TUSC7: variants seen among roughly 807,000 people sequenced by gnomAD.
The protein encoded by TUSC7 is tumor suppressor candidate 7.
At chr3:116,714,755 A>C (rs1211451058) in intron 1 of TUSC7, among the ~76,000 whole-genome samples, 1 of 152,178 alleles carries the variant, frequency 6.6e-6, no homozygotes, top group Non-Finnish European at 1.5e-5. Context: ...CCCTCCCTCC[A>C]CAAGGGCATA....
chr3:116,712,375 T>G (rs1324809715), intron 1 of TUSC7: 1 of 152,218 alleles, frequency 6.6e-6, no homozygotes, highest in Non-Finnish European at 1.5e-5. Flanking sequence ...ATATTCAGTG[T>G]GTCCTCTGAA....
intron 1 of TUSC7, chr3:116,716,391 A>T (rs2051508016): frequency 6.6e-6 from 1 of 152,130 alleles, no homozygotes; most frequent in Non-Finnish European, 1.5e-5. Context: ...TGGAGGAGGG[A>T]CTATCTAGAC....
chr3:116,713,738 G>T (rs2051481748), intron 1 of TUSC7, among the ~76,000 whole-genome samples: 1 of 152,130 alleles, frequency 6.6e-6, no homozygotes, highest in East Asian at 1.9e-4. Flanking sequence ...GGCCGAGGTG[G>T]TCTCATCACC....
chr3:116,711,275 C>T (rs2051461641), intron 1 of TUSC7, among the ~76,000 whole-genome samples: 1 of 152,118 alleles, frequency 6.6e-6, no homozygotes, highest in South Asian at 2.1e-4. Flanking sequence ...AACATACATG[C>T]ATTGTAGTAA....
At chr3:116,710,311 T>A (rs576646118) in intron 1 of TUSC7, 5 of 152,246 alleles carry the variant, frequency 3.3e-5, no homozygotes, top group African/African-American at 1.2e-4. Context: ...ATAACTTCCC[T>A]GGTGTACCAG....
chr3:116,712,762 G>A (rs2051473188), intron 1 of TUSC7: 1 of 151,744 alleles, frequency 6.6e-6, no homozygotes, highest in African/African-American at 2.4e-5. Flanking sequence ...CTCATCAATT[G>A]TAAATTTTGA....
intron 1 of TUSC7, among the ~76,000 whole-genome samples, chr3:116,713,680 A>T (rs2051481081): frequency 6.6e-6 from 1 of 152,166 alleles, no homozygotes; most frequent in Admixed American, 6.5e-5. Context: ...AAGAAGCTAG[A>T]CTAGGCCAGA....
At chr3:116,712,022 G>T (rs2051467075) in intron 1 of TUSC7, among the ~76,000 whole-genome samples, 1 of 152,142 alleles carries the variant, frequency 6.6e-6, no homozygotes, top group African/African-American at 2.4e-5. Context: ...CATGGTACAA[G>T]AAATATGTTA....
At chr3:116,714,583 G>A (rs768871985) in intron 1 of TUSC7, among the ~76,000 whole-genome samples, 31 of 152,224 alleles carry the variant, frequency 2.0e-4, no homozygotes, top group South Asian at 8.3e-4. Flanking sequence ...CTGATCCATG[G>A]ACTACATTTC....
At chr3:116,711,532 C>T (rs1354364609) in intron 1 of TUSC7, among the ~76,000 whole-genome samples, 1 of 152,114 alleles carries the variant, frequency 6.6e-6, no homozygotes, top group East Asian at 1.9e-4. Flanking sequence ...CTTTCTCATT[C>T]TATGATGTAG....
At chr3:116,711,955 C>T (rs1576301277) in intron 1 of TUSC7, among the ~76,000 whole-genome samples, 1 of 152,258 alleles carries the variant, frequency 6.6e-6, no homozygotes, top group Middle Eastern at 3.4e-3. Context: ...TATAAATTTA[C>T]AGAATTTATC....
At chr3:116,711,774 C>A (rs532095860) in intron 1 of TUSC7, among the ~76,000 whole-genome samples, 7 of 152,280 alleles carry the variant, frequency 4.6e-5, no homozygotes, top group Non-Finnish European at 8.8e-5. Context: ...CATGAAATAT[C>A]TATATTCAGC....
chr3:116,713,564 CTG>C (rs1215305009), intron 1 of TUSC7, among the ~76,000 whole-genome samples: 4 of 152,192 alleles, frequency 2.6e-5, no homozygotes, highest in Non-Finnish European at 4.4e-5. Flanking sequence ...GGTACGAACA[CTG>C]TTGTTTCTAA....
intron 1 of TUSC7, among the ~76,000 whole-genome samples, chr3:116,710,583 A>G (rs1287956541): frequency 3.3e-5 from 5 of 152,134 alleles, no homozygotes; most frequent in Admixed American, 3.3e-4. Flanking sequence ...TTAAAATTCT[A>G]AATATAAAAA....
chr3:116,710,592 A>C (rs946648019), intron 1 of TUSC7, among the ~76,000 whole-genome samples: 54 of 152,114 alleles, frequency 3.5e-4, no homozygotes, highest in Non-Finnish European at 7.8e-4. Flanking sequence ...TAAATATAAA[A>C]AACTGATATG....
At chr3:116,711,135 C>A (rs2051458660) in intron 1 of TUSC7, among the ~76,000 whole-genome samples, 1 of 152,110 alleles carries the variant, frequency 6.6e-6, no homozygotes, top group South Asian at 2.1e-4. Context: ...TCTGACTAGG[C>A]CAATATCTAA....
intron 1 of TUSC7, among the ~76,000 whole-genome samples, chr3:116,713,485 G>A (rs2051479302): frequency 6.6e-6 from 1 of 152,186 alleles, no homozygotes; most frequent in Admixed American, 6.5e-5. Context: ...TGTCACTTGT[G>A]TTTTGTTGCC....
chr3:116,713,982 A>G (rs374732433), intron 1 of TUSC7: 2 of 152,182 alleles, frequency 1.3e-5, no homozygotes, highest in Non-Finnish European at 2.9e-5. Context: ...AAAAGAAAAG[A>G]AAAGAAAAAA....
intron 1 of TUSC7, among the ~76,000 whole-genome samples, chr3:116,711,851 A>G (rs1207330389): frequency 6.6e-6 from 1 of 152,214 alleles, no homozygotes; most frequent in East Asian, 1.9e-4. Context: ...CATAACAAAT[A>G]TTCACACTTT....
Sources: allele counts gnomAD v4.1 joint callset (sites outside exome capture counted in the v4.1 genomes callset), GRCh38; gene constraint gnomAD v4.1.1; transcripts MANE v1.5; gene names NCBI Gene and HGNC (gene_info 2026-07-23, HGNC 2026-07-21).